MECOM: variants seen among roughly 807,000 people sequenced by gnomAD.
The protein encoded by MECOM is MDS1 and EVI1 complex locus.
MECOM carries 13 observed loss-of-function variants against 116.3 expected under a neutral mutation model. The observed-to-expected ratio is 0.11, with a 90% confidence interval of 0.07 to 0.18. The LOEUF (loss-of-function observed/expected upper bound fraction) is 0.18. Among genes scored for constraint, MECOM ranks in the 10% least tolerant of loss-of-function variants. The pLI, the probability that MECOM is intolerant of heterozygous loss-of-function variation, is 1.00. For synonymous variants in MECOM, 528 were observed against 535.2 expected, an observed-to-expected ratio of 0.99 and a Z score of 0.19; for missense variants, 1,299 against 1,509.0, an observed-to-expected ratio of 0.86 and a Z score of 2.31.
At chr3:169,451,080 T>A (rs1056783671) in intron 1 of MECOM, among the ~76,000 whole-genome samples, 2 of 152,248 alleles carry the variant, frequency 1.3e-5, no homozygotes, top group African/African-American at 4.8e-5. Context: ...TTTAATCCAG[T>A]CATCTTTCTC....
Position 169,090,001 on chromosome 3 carries a change from T to C in MECOM, c.3400A>G (p.Arg1134Gly). ...TCTAAAGTCACCCAAGGTACTCACC[T>C]CACTGGGGATGTCTTGCAACTCATC... ...LEMSCKTSPV[R>G]YKEEEYKSGL... Residue 1134 changes from arginine to glycine, a missense_variant and splice_region_variant, in exon 15 of 17, where the codon AGG (arginine) becomes GGG (glycine). This residue lies in a region of MECOM where 273 missense variants were observed against 289.3 expected (regional missense o/e 0.94). Coordinates refer to ENST00000651503, the MANE Select transcript of MECOM (RefSeq NM_004991.4). 1.9e-6 allele frequency: 3 copies of C among 1,612,756 alleles called. No individual in the cohort carries two copies. The South Asian group carries it at 3.3e-5, about 18-fold the overall frequency.
intron 1 of MECOM, among the ~76,000 whole-genome samples, chr3:169,591,254 G>A (rs1164723691): frequency 6.6e-6 from 1 of 152,146 alleles, no homozygotes; most frequent in Non-Finnish European, 1.5e-5. Flanking sequence ...TTATATCTTT[G>A]TACATGTAAT....
At chr3:169,348,435 C>T (rs561107336) in intron 2 of MECOM, among the ~76,000 whole-genome samples, 1 of 152,004 alleles carries the variant, frequency 6.6e-6, no homozygotes, top group Admixed American at 6.6e-5. Flanking sequence ...GAATATGTAG[C>T]CAAGATCCAC....
intron 1 of MECOM, among the ~76,000 whole-genome samples, chr3:169,608,675 T>C (rs935429880): frequency 3.3e-5 from 5 of 152,234 alleles, no homozygotes; most frequent in Admixed American, 2.0e-4. Flanking sequence ...AACTGCCTTA[T>C]GGCTCTGAGC....
intron 10 of MECOM, among the ~76,000 whole-genome samples, chr3:169,104,734 C>T (rs193053022): frequency 3.3e-5 from 5 of 152,246 alleles, no homozygotes; most frequent in Non-Finnish European, 7.4e-5. Flanking sequence ...ATCTTCAGCA[C>T]ACATAAACCA....
chr3:169,408,954 G>A (rs901998365), intron 1 of MECOM, among the ~76,000 whole-genome samples: 2 of 152,076 alleles, frequency 1.3e-5, no homozygotes, highest in South Asian at 4.1e-4. Flanking sequence ...TTCCAACCCT[G>A]TGAGTGCTTA....
At chr3:169,544,165 G>C (rs776236022) in intron 1 of MECOM, among the ~76,000 whole-genome samples, 2 of 152,190 alleles carry the variant, frequency 1.3e-5, no homozygotes, top group African/African-American at 4.8e-5. Flanking sequence ...TGACTATTTT[G>C]AGTGACTTAA....
intron 2 of MECOM, among the ~76,000 whole-genome samples, chr3:169,224,109 G>A (rs915145622): frequency 6.6e-6 from 1 of 152,064 alleles, no homozygotes; most frequent in Non-Finnish European, 1.5e-5. Context: ...GTGTGGTATC[G>A]ATACTAAGGA....
At chr3:169,404,053 T>C (rs1395078285) in intron 1 of MECOM, among the ~76,000 whole-genome samples, 2 of 152,202 alleles carry the variant, frequency 1.3e-5, no homozygotes, top group East Asian at 1.9e-4. Context: ...TCAGTCATTG[T>C]TGAGCAACCC....
intron 1 of MECOM, among the ~76,000 whole-genome samples, chr3:169,523,206 G>A (rs561695177): frequency 1.3e-4 from 20 of 152,266 alleles, no homozygotes; most frequent in African/African-American, 4.1e-4. Context: ...ACCAGCAGGA[G>A]CCACACAAAC....
chr3:169,442,821 T>A (rs1269061730), intron 1 of MECOM, among the ~76,000 whole-genome samples: 1 of 152,214 alleles, frequency 6.6e-6, no homozygotes, highest in Non-Finnish European at 1.5e-5. Context: ...CATTTTTTTT[T>A]ATCTATAGTT....
intron 1 of MECOM, among the ~76,000 whole-genome samples, chr3:169,520,843 A>T (rs1365984960): frequency 6.6e-6 from 1 of 152,152 alleles, no homozygotes; most frequent in African/African-American, 2.4e-5. Flanking sequence ...GTGTAGCAAA[A>T]CAAGCTTTAA....
chr3:169,189,079 C>T (rs1165661289), intron 2 of MECOM, among the ~76,000 whole-genome samples: 1 of 151,978 alleles, frequency 6.6e-6, no homozygotes, highest in Non-Finnish European at 1.5e-5. Context: ...ATTCATGACT[C>T]GCATGATCCT....
At chr3:169,271,317 GAC>G (rs1356993745) in intron 2 of MECOM, among the ~76,000 whole-genome samples, 3 of 152,116 alleles carry the variant, frequency 2.0e-5, no homozygotes, top group Non-Finnish European at 2.9e-5. Context: ...CTGATAAAAG[GAC>G]ACAGTCTCAT....
chr3:169,123,697 T>A (rs1373447422), intron 5 of MECOM, among the ~76,000 whole-genome samples: 1 of 152,050 alleles, frequency 6.6e-6, no homozygotes, highest in African/African-American at 2.4e-5. Context: ...ATCTGAACTA[T>A]GAAATTCACA....
chr3:169,166,644 G>T (rs1218112458), intron 2 of MECOM, among the ~76,000 whole-genome samples: 6 of 151,962 alleles, frequency 3.9e-5, no homozygotes, highest in Non-Finnish European at 5.9e-5. Flanking sequence ...AAATGTACGA[G>T]TTAAATTGCA....
intron 1 of MECOM, among the ~76,000 whole-genome samples, chr3:169,458,869 G>C (rs930539342): frequency 2.6e-5 from 4 of 152,198 alleles, no homozygotes; most frequent in African/African-American, 9.6e-5. Context: ...CTAGGAAACA[G>C]AGAACCTATT....
intron 1 of MECOM, among the ~76,000 whole-genome samples, chr3:169,512,534 A>G (rs189863642): frequency 1.3e-5 from 2 of 152,270 alleles, no homozygotes; most frequent in East Asian, 1.9e-4. Flanking sequence ...CTCATGCCCA[A>G]TATTTACTTC....
At chr3:169,344,102 T>A (rs527294438) in intron 2 of MECOM, among the ~76,000 whole-genome samples, 26 of 152,310 alleles carry the variant, frequency 1.7e-4, no homozygotes, top group Non-Finnish European at 1.6e-4. Flanking sequence ...AAAAGATTGA[T>A]CTTTGTAATG....
Sources: allele counts gnomAD v4.1 joint callset (sites outside exome capture counted in the v4.1 genomes callset), GRCh38; gene constraint gnomAD v4.1.1; regional missense constraint gnomAD v4.1.1; transcripts MANE v1.5; gene names NCBI Gene and HGNC (gene_info 2026-07-23, HGNC 2026-07-21).